RBFOX3: variants seen among roughly 807,000 people sequenced by gnomAD.
RBFOX3 encodes the protein RNA binding protein fox-1 homolog 3.
In RBFOX3, 17 loss-of-function variants were observed where a neutral mutation model predicts 48.7. The observed-to-expected ratio is 0.35, with a 90% CI of 0.24 to 0.52. The LOEUF (loss-of-function observed/expected upper bound fraction) is 0.52, where lower values mean the gene tolerates loss of function less well. Ranked by LOEUF, RBFOX3 falls within the 20% of genes least tolerant of loss-of-function variation. The pLI is 0.94. For missense variants in RBFOX3, 382 were observed against 497.5 expected, an observed-to-expected ratio of 0.77 and a Z score of 2.21; for synonymous variants, 212 against 209.5, an observed-to-expected ratio of 1.01 and a Z score of -0.10.
chr17:79,252,828 G>T lies in RBFOX3; in HGVS notation c.-73-17023C>A, dbSNP rs1036634046. ...CACAGAGAGTGAGGCGTGGACCCAG[G>T]CTTTCTGCCTCTCCAATGAGACAGG... is the stretch of plus-strand genomic sequence containing the variant. On this transcript the variant is annotated intron_variant, in intron 3 of 14. Transcript: ENST00000693108. The surrounding 1 kb of genome is among the most constrained non-coding windows in gnomAD (Gnocchi z 4.0). 2.0e-5 allele frequency among the ~76,000 whole-genome samples: 3 copies of T among 152,090 alleles called. No individual in the cohort carries two copies. The East Asian group carries it at 5.8e-4, about 29-fold the overall frequency.
At chr17:79,264,890 C>T (rs573940735) in intron 3 of RBFOX3, among the ~76,000 whole-genome samples, 129 of 152,020 alleles carry the variant, frequency 8.5e-4, no homozygotes, top group South Asian at 2.9e-3. Context: ...TTCTGCAGGG[C>T]AAGCTGGGTG....
intron 2 of RBFOX3, among the ~76,000 whole-genome samples, chr17:79,446,267 C>T (rs552891300): frequency 7.9e-5 from 12 of 152,288 alleles, no homozygotes; most frequent in South Asian, 6.2e-4. Flanking sequence ...GGATTCCACA[C>T]GTCCAAAAAT....
chr17:79,168,470 C>T (rs983803679), intron 4 of RBFOX3, among the ~76,000 whole-genome samples: 21 of 152,356 alleles, frequency 1.4e-4, no homozygotes, highest in Admixed American at 5.2e-4. Context: ...CCTAAGAGAA[C>T]AGAAGAGGCC....
At chr17:79,132,224 G>T (rs961731892) in intron 4 of RBFOX3, among the ~76,000 whole-genome samples, 1 of 136,948 alleles carries the variant, frequency 7.3e-6, no homozygotes, top group Admixed American at 7.4e-5. Context: ...GTCAGACTCA[G>T]GCACAGAGCC....
chr17:79,244,456 T>TA (rs1260780060), intron 3 of RBFOX3, among the ~76,000 whole-genome samples: 5 of 152,180 alleles, frequency 3.3e-5, no homozygotes, highest in African/African-American at 1.2e-4. Flanking sequence ...GGTCATCTGT[T>TA]ACGGCAGCCA....
chr17:79,564,423 C>T (rs1332886463), intron 1 of RBFOX3, among the ~76,000 whole-genome samples: 1 of 152,152 alleles, frequency 6.6e-6, no homozygotes, highest in Non-Finnish European at 1.5e-5. Context: ...GGATAATGGC[C>T]GAGCTGGCCT....
chr17:79,420,089 T>A (rs947147314), intron 2 of RBFOX3, among the ~76,000 whole-genome samples: 10 of 148,280 alleles, frequency 6.7e-5, no homozygotes, highest in African/African-American at 2.5e-4. Context: ...ATCATGCCAC[T>A]GCACTCTAGC....
At chr17:79,223,103 CT>C (rs1333665216) in intron 4 of RBFOX3, among the ~76,000 whole-genome samples, 1 of 152,086 alleles carries the variant, frequency 6.6e-6, no homozygotes, top group Non-Finnish European at 1.5e-5. Context: ...CTCCATCACC[CT>C]CGAAAAATGG....
intron 3 of RBFOX3, among the ~76,000 whole-genome samples, chr17:79,291,913 G>T (rs185553840): frequency 6.6e-6 from 1 of 152,226 alleles, no homozygotes; most frequent in African/African-American, 2.4e-5. Flanking sequence ...CTTCACCACG[G>T]AGCTGAACCT....
chr17:79,521,075 A>G (rs1469045128), intron 1 of RBFOX3, among the ~76,000 whole-genome samples: 2 of 152,198 alleles, frequency 1.3e-5, no homozygotes, highest in Non-Finnish European at 2.9e-5. Flanking sequence ...GAAGACACGC[A>G]AAGAGGATGG....
At chr17:79,171,119 G>A (rs1453609892) in intron 4 of RBFOX3, among the ~76,000 whole-genome samples, 1 of 152,234 alleles carries the variant, frequency 6.6e-6, no homozygotes, top group South Asian at 2.1e-4. Context: ...TGGGTTGTGA[G>A]TGAAAATTAT....
Position 79,476,362 on chromosome 17 carries a change from C to T in RBFOX3, c.-175+6092G>A, listed in dbSNP as rs1343138348. Among the ~76,000 whole-genome samples, 6 of 152,326 alleles carry T rather than the reference C, an allele frequency of 3.9e-5. No homozygotes were observed. The East Asian group carries it at 5.8e-4, about 15-fold the overall frequency. On this transcript the variant is annotated intron_variant, in intron 2 of 14. Transcript: ENST00000693108. Reference sequence around the variant, plus strand: ...AAGTCACCAAGGAAAAATATTGGCCCGTTTTTCTATTTTTTTAAAAAATGT... The same window carrying T: ...AAGTCACCAAGGAAAAATATTGGCCTGTTTTTCTATTTTTTTAAAAAATGT...
Position 79,463,378 on chromosome 17 carries a change from C to T in RBFOX3, c.-175+19076G>A, listed in dbSNP as rs553541192. On this transcript the variant is annotated intron_variant, in intron 2 of 14. Transcript: ENST00000693108. ...CCGCCATCGCCACCGCCAGTGCCAC[C>T]GCCACCTCCACCACCATCGCCACCG... Among the ~76,000 whole-genome samples, 14 of 116,040 alleles carry T rather than the reference C, an allele frequency of 1.2e-4. 1 individual carries two copies. Among genetic ancestry groups the T allele is most frequent in the African/African-American group, 4.3e-4 (13 of 30,536 alleles). 76.1% of individuals were successfully genotyped at this position (116,040 alleles called of 152,430 possible).
At chr17:79,430,698 C>T (rs1249724321) in intron 2 of RBFOX3, among the ~76,000 whole-genome samples, 1 of 152,154 alleles carries the variant, frequency 6.6e-6, no homozygotes, top group African/African-American at 2.4e-5. Flanking sequence ...GTATGCAGCA[C>T]CACACCCAGC....
intron 1 of RBFOX3, among the ~76,000 whole-genome samples, chr17:79,491,429 T>C (rs1416802811): frequency 2.0e-5 from 3 of 151,826 alleles, no homozygotes; most frequent in Admixed American, 2.0e-4. Flanking sequence ...CTGGTGCCGA[T>C]GTGGGCTGGG....
intron 2 of RBFOX3, among the ~76,000 whole-genome samples, chr17:79,448,653 T>C (rs2072846255): frequency 6.6e-6 from 1 of 152,214 alleles, no homozygotes. Flanking sequence ...CAAGACTTCA[T>C]GTCTGCTGTT....
At chr17:79,174,907 T>C (rs2050204315) in intron 4 of RBFOX3, among the ~76,000 whole-genome samples, 1 of 152,160 alleles carries the variant, frequency 6.6e-6, no homozygotes, top group Non-Finnish European at 1.5e-5. Context: ...CCCAGCAAAA[T>C]GCACCTTCAT....
At chr17:79,468,894 G>A (rs1164793532) in intron 2 of RBFOX3, among the ~76,000 whole-genome samples, 5 of 151,382 alleles carry the variant, frequency 3.3e-5, no homozygotes, top group Non-Finnish European at 5.9e-5. Context: ...TGGATAGATA[G>A]ATAGGAAGAT....
intron 2 of RBFOX3, among the ~76,000 whole-genome samples, chr17:79,381,196 G>T (rs1034460351): frequency 6.6e-6 from 1 of 151,732 alleles, no homozygotes; most frequent in Non-Finnish European, 1.5e-5. Flanking sequence ...GGAGGCGGAG[G>T]TTGCAATGAG....
Sources: gnomAD v4.1 joint callset for allele counts (sites outside exome capture counted in the v4.1 genomes callset) on GRCh38, gnomAD v4.1.1 for gene constraint, Gnocchi (gnomAD v3.1) non-coding constraint, MANE v1.5 for transcripts, NCBI Gene and HGNC (gene_info 2026-07-23, HGNC 2026-07-21) for gene names.